Variants in PPA2 observed in about 807,000 individuals in gnomAD.
PPA2 encodes inorganic pyrophosphatase 2, mitochondrial.
In PPA2, 48 loss-of-function variants were observed where a neutral mutation model predicts 49.5. The ratio of observed to expected loss-of-function variants is 0.97; its 90% CI spans 0.77 to 1.23. The LOEUF (loss-of-function observed/expected upper bound fraction) is 1.23. PPA2 is among the 50% of genes most tolerant of loss of function. The pLI is 0.00. For missense variants in PPA2, 429 were observed against 410.1 expected, an observed-to-expected ratio of 1.05 and a Z score of -0.40; for synonymous variants, 131 against 139.9, an observed-to-expected ratio of 0.94 and a Z score of 0.45.
intron 10 of PPA2, 32 bp from the exon 11 acceptor site, chr4:105,370,905 T>C: frequency 6.9e-7 from 1 of 1,443,248 alleles, no homozygotes; most frequent in Non-Finnish European, 9.2e-7. Flanking sequence ...GAATCTCTGT[T>C]ACAATAAATA....
chr4:105,458,390 A>G (rs1722950350), intron 1 of PPA2, among the ~76,000 whole-genome samples: 1 of 152,184 alleles, frequency 6.6e-6, no homozygotes, highest in Admixed American at 6.5e-5. Context: ...TGTTAAGATG[A>G]TAAAATTAGG....
intron 11 of PPA2, chr4:105,370,632 GA>G (rs1732985252): frequency 1.0e-6 from 1 of 974,202 alleles, no homozygotes; most frequent in African/African-American, 1.8e-5. Flanking sequence ...TTCTAACCTA[GA>G]AAAGTAGTTA....
intron 6 of PPA2, among the ~76,000 whole-genome samples, chr4:105,427,937 G>T (rs576603060): frequency 2.8e-4 from 42 of 152,290 alleles, no homozygotes; most frequent in African/African-American, 1.0e-3. Flanking sequence ...AAATGTTAAG[G>T]GCAGCCAGAG....
chr4:105,395,339 A>G (rs1734094344), intron 9 of PPA2, among the ~76,000 whole-genome samples: 1 of 128,022 alleles, frequency 7.8e-6, no homozygotes, highest in Admixed American at 8.6e-5. Flanking sequence ...CAGAGAGCAC[A>G]GGGACTCTAT....
At chr4:105,442,006 C>T (rs1724391730) in intron 5 of PPA2, among the ~76,000 whole-genome samples, 1 of 144,036 alleles carries the variant, frequency 6.9e-6, no homozygotes, top group South Asian at 2.2e-4. Context: ...ACTACCATCA[C>T]TTTTTTTTTT....
intron 6 of PPA2, among the ~76,000 whole-genome samples, chr4:105,427,483 A>C (rs1723571530): frequency 6.6e-6 from 1 of 152,128 alleles, no homozygotes. Context: ...AACTAGAATC[A>C]ACAGTGTAGA....
intron 5 of PPA2, among the ~76,000 whole-genome samples, chr4:105,444,123 A>G (rs1413638073): frequency 6.6e-6 from 1 of 152,238 alleles, no homozygotes; most frequent in Non-Finnish European, 1.5e-5. Flanking sequence ...AGTACTTACA[A>G]GAACACCTTG....
chr4:105,467,221 A>G (rs1723341434), intron 1 of PPA2, among the ~76,000 whole-genome samples: 1 of 152,194 alleles, frequency 6.6e-6, no homozygotes, highest in African/African-American at 2.4e-5. Context: ...TTGATATTGA[A>G]TGGTCAGGGA....
intron 10 of PPA2, 34 bp from the exon 11 acceptor site, chr4:105,370,907 C>A: frequency 1.4e-6 from 2 of 1,439,088 alleles, no homozygotes; most frequent in South Asian, 1.4e-5. Flanking sequence ...ATCTCTGTTA[C>A]AATAAATATT....
intron 1 of PPA2, chr4:105,473,685 G>C (rs368952428): frequency 1.2e-6 from 1 of 838,128 alleles, no homozygotes; most frequent in South Asian, 1.3e-5. Context: ...TCCGCTTTGG[G>C]GTCTTGATCC....
intron 1 of PPA2, among the ~76,000 whole-genome samples, chr4:105,462,551 A>G (rs968994565): frequency 6.6e-6 from 1 of 152,214 alleles, no homozygotes; most frequent in Non-Finnish European, 1.5e-5. Context: ...TTTGTTTATC[A>G]ATTGTAGAAA....
intron 6 of PPA2, among the ~76,000 whole-genome samples, chr4:105,433,171 A>G (rs2077608): frequency 0.61 from 91,956 of 151,818 alleles, 27,859 homozygotes; most frequent in East Asian, 0.68. Context: ...AAAAGTATAC[A>G]CCTCATGAAG....
chr4:105,426,209 G>T (rs1045514494), intron 6 of PPA2, among the ~76,000 whole-genome samples: 1 of 152,060 alleles, frequency 6.6e-6, no homozygotes, highest in Non-Finnish European at 1.5e-5. Context: ...AAAATAGGAG[G>T]TTGCCTCCAA....
intron 7 of PPA2, chr4:105,405,517 T>C: frequency 1.1e-6 from 1 of 924,916 alleles, no homozygotes; most frequent in African/African-American, 1.8e-5. Context: ...AATATATAAA[T>C]AGAATTACTT....
chr4:105,448,597 C>A (rs1215729330), intron 4 of PPA2, among the ~76,000 whole-genome samples: 3 of 149,086 alleles, frequency 2.0e-5, no homozygotes, highest in African/African-American at 4.9e-5. Context: ...AAAAGCTAAC[C>A]AGAAAAATAG....
At chr4:105,473,760 G>A in intron 1 of PPA2, 134 bp downstream of exon 1, 1 of 1,333,380 alleles carries the variant, frequency 7.5e-7, no homozygotes. Context: ...AGGTGGCCTG[G>A]ACCGCGCGGC....
At chr4:105,386,686 T>C in intron 9 of PPA2, 50 bp from the exon 10 acceptor site, 1 of 1,539,900 alleles carries the variant, frequency 6.5e-7, no homozygotes, top group Non-Finnish European at 8.9e-7. Flanking sequence ...AAAGAAACAA[T>C]TACCAAAAAA....
At chr4:105,379,197 C>T (rs1733374764) in intron 10 of PPA2, among the ~76,000 whole-genome samples, 1 of 151,992 alleles carries the variant, frequency 6.6e-6, no homozygotes, top group Admixed American at 6.6e-5. Context: ...TTATACTTTT[C>T]AGGGTGCAGG....
At chr4:105,373,592 G>A (rs1008932997) in intron 10 of PPA2, among the ~76,000 whole-genome samples, 1 of 152,094 alleles carries the variant, frequency 6.6e-6, no homozygotes, top group African/African-American at 2.4e-5. Flanking sequence ...GCAGCTTCTC[G>A]TTAACCTAAA....
Sources: gnomAD v4.1 joint callset for allele counts (sites outside exome capture counted in the v4.1 genomes callset) on GRCh38, gnomAD v4.1.1 for gene constraint, MANE v1.5 for transcripts, NCBI Gene and HGNC (gene_info 2026-07-23, HGNC 2026-07-21) for gene names.